NKAIN2: variants seen among roughly 807,000 people sequenced by gnomAD.
The protein encoded by NKAIN2 is sodium/potassium transporting ATPase interacting 2, also known as sodium/potassium-transporting ATPase subunit beta-1-interacting protein 2.
A neutral mutation model predicts 32.6 loss-of-function variants in NKAIN2; 14 were observed. That is an observed-to-expected ratio of 0.43 (90% CI 0.28 to 0.67). The LOEUF is 0.67. NKAIN2 is among the 30% of genes least tolerant of loss of function. The probability of loss-of-function intolerance (pLI) is 0.17; values close to 1 mark genes in which losing one functional copy is unlikely to be tolerated. For missense variants in NKAIN2, 198 were observed against 258.3 expected (o/e 0.77, Z 1.60); for synonymous variants, 80 against 87.2 (o/e 0.92, Z 0.46).
At chr6:124,740,447 C>CATGTGTGTGT (rs144418974) in intron 4 of NKAIN2, among the ~76,000 whole-genome samples, 5 of 143,754 alleles carry the variant, frequency 3.5e-5, no homozygotes, top group African/African-American at 7.7e-5. Flanking sequence ...CACATATACA[C>CATGTGTGTGT]GTGTGTGTGT....
intron 3 of NKAIN2, among the ~76,000 whole-genome samples, chr6:124,600,526 G>A (rs551200710): frequency 4.4e-4 from 67 of 151,980 alleles, no homozygotes; most frequent in African/African-American, 1.2e-3. Context: ...TCTTATATTC[G>A]CTTCTTTATG....
chr6:124,277,178 G>C (rs376062517), intron 1 of NKAIN2, among the ~76,000 whole-genome samples: 121 of 152,218 alleles, frequency 7.9e-4, no homozygotes, highest in African/African-American at 2.7e-3. Context: ...GAAACAAAGA[G>C]TGGATGCTAC....
chr6:124,477,059 A>G (rs564086106), intron 3 of NKAIN2, among the ~76,000 whole-genome samples: 148 of 152,270 alleles, frequency 9.7e-4, no homozygotes, highest in African/African-American at 3.3e-3. Flanking sequence ...GGTGAGAGCT[A>G]TATGACTCTG....
intron 5 of NKAIN2, among the ~76,000 whole-genome samples, chr6:124,808,205 C>A (rs1351047514): frequency 1.3e-5 from 2 of 151,734 alleles, no homozygotes; most frequent in Non-Finnish European, 2.9e-5. Flanking sequence ...AGACCAATAT[C>A]CTTGATGAAC....
chr6:123,897,048 C>A (rs955968520), intron 1 of NKAIN2, among the ~76,000 whole-genome samples: 7 of 152,268 alleles, frequency 4.6e-5, no homozygotes, highest in East Asian at 1.9e-4. Flanking sequence ...TGATATGAAT[C>A]TCTTTCTTCC....
intron 3 of NKAIN2, among the ~76,000 whole-genome samples, chr6:124,445,347 CTTT>C (rs1775845470): frequency 6.6e-6 from 1 of 152,006 alleles, no homozygotes; most frequent in Admixed American, 6.6e-5. Flanking sequence ...TTGAAAAATA[CTTT>C]TTATTATTAT....
intron 3 of NKAIN2, among the ~76,000 whole-genome samples, chr6:124,544,816 G>A (rs1583417297): frequency 6.6e-6 from 1 of 152,236 alleles, no homozygotes; most frequent in East Asian, 1.9e-4. Context: ...AGGAAAATGA[G>A]GCAATAGACC....
chr6:123,951,419 G>A (rs1777319471), intron 1 of NKAIN2, among the ~76,000 whole-genome samples: 1 of 151,828 alleles, frequency 6.6e-6, no homozygotes, highest in African/African-American at 2.4e-5. Context: ...AGTAATGTTT[G>A]CTTTATATAT....
intron 1 of NKAIN2, among the ~76,000 whole-genome samples, chr6:124,133,504 A>C (rs1168862534): frequency 1.3e-5 from 2 of 152,158 alleles, no homozygotes; most frequent in East Asian, 1.9e-4. Flanking sequence ...TATTACATCT[A>C]CCCACCTGCC....
chr6:124,461,331 A>G (rs914797863), intron 3 of NKAIN2, among the ~76,000 whole-genome samples: 2 of 151,692 alleles, frequency 1.3e-5, no homozygotes, highest in African/African-American at 4.8e-5. Flanking sequence ...GTGCACAGAA[A>G]GACTGATTTC....
intron 3 of NKAIN2, among the ~76,000 whole-genome samples, chr6:124,454,129 T>G (rs1776232511): frequency 6.6e-6 from 1 of 151,660 alleles, no homozygotes; most frequent in African/African-American, 2.4e-5. Context: ...TGCTGGTTTA[T>G]TTGCTTTTGT....
At chr6:124,512,305 T>C (rs565005639) in intron 3 of NKAIN2, among the ~76,000 whole-genome samples, 17 of 152,116 alleles carry the variant, frequency 1.1e-4, no homozygotes, top group Non-Finnish European at 2.2e-4. Flanking sequence ...CTCTACTTCT[T>C]CCCACCAATT....
At chr6:124,002,672 T>A (rs1779927828) in intron 1 of NKAIN2, among the ~76,000 whole-genome samples, 1 of 152,178 alleles carries the variant, frequency 6.6e-6, no homozygotes, top group Non-Finnish European at 1.5e-5. Flanking sequence ...TTTAACTTGC[T>A]CCATTCAAAA....
chr6:124,121,840 C>T, intron 1 of NKAIN2: 3 of 853,108 alleles, frequency 3.5e-6, no homozygotes, highest in Non-Finnish European at 4.8e-6. Flanking sequence ...GGGTCACCCT[C>T]TAATCATGCC....
intron 1 of NKAIN2, among the ~76,000 whole-genome samples, chr6:123,905,090 T>A (rs1774796914): frequency 6.6e-6 from 1 of 152,122 alleles, no homozygotes; most frequent in Admixed American, 6.5e-5. Context: ...CAAAAAAAGT[T>A]GGGTTTTGTC....
intron 3 of NKAIN2, among the ~76,000 whole-genome samples, chr6:124,522,633 G>A (rs1164631457): frequency 1.3e-5 from 2 of 152,172 alleles, no homozygotes; most frequent in Non-Finnish European, 2.9e-5. Flanking sequence ...AAACTAGGAA[G>A]ACACAAACTG....
chr6:124,339,117 C>A (rs970909240), intron 2 of NKAIN2, among the ~76,000 whole-genome samples: 2 of 152,056 alleles, frequency 1.3e-5, no homozygotes, highest in African/African-American at 2.4e-5. Flanking sequence ...CCAAGGCGGG[C>A]GGATCACGAC....
At chr6:124,360,394 TAATC>T in intron 3 of NKAIN2, among the ~76,000 whole-genome samples, 1 of 152,236 alleles carries the variant, frequency 6.6e-6, no homozygotes, top group East Asian at 1.9e-4. Flanking sequence ...GAAATTATAG[TAATC>T]AACCAACTCA....
At chr6:124,330,551 G>A (rs1327495831) in intron 2 of NKAIN2, among the ~76,000 whole-genome samples, 1 of 152,222 alleles carries the variant, frequency 6.6e-6, no homozygotes, top group African/African-American at 2.4e-5. Flanking sequence ...ACCTGAAGGA[G>A]TGCATAACCA....
Sources: gnomAD v4.1 joint callset for allele counts (sites outside exome capture counted in the v4.1 genomes callset) on GRCh38, gnomAD v4.1.1 for gene constraint, MANE v1.5 for transcripts, NCBI Gene and HGNC (gene_info 2026-07-23, HGNC 2026-07-21) for gene names.